EPHA7: variants seen among roughly 807,000 people sequenced by gnomAD.
EPHA7 encodes ephrin type-A receptor 7.
Under a neutral mutation model 112.6 loss-of-function variants are expected in EPHA7, and 25 were observed. The observed-to-expected ratio is 0.22, with a 90% CI of 0.16 to 0.31. The LOEUF (loss-of-function observed/expected upper bound fraction) is 0.31. Among genes scored for constraint, EPHA7 ranks in the 10% least tolerant of loss-of-function variants. EPHA7 has a pLI of 1.00. For missense variants in EPHA7, 962 were observed against 1,212.6 expected (o/e 0.79, Z 3.07); for synonymous variants, 437 against 406.5 (o/e 1.07, Z -0.90).
chr6:93,244,798 T>C (rs549072127), intron 16 of EPHA7, among the ~76,000 whole-genome samples: 9 of 152,336 alleles, frequency 5.9e-5, no homozygotes, highest in African/African-American at 2.2e-4. Flanking sequence ...ATATTGGACG[T>C]TCTAATGCAT....
chr6:93,324,989 AT>A lies in EPHA7; in HGVS notation c.1324+31727del, dbSNP rs1024551102. ...ATTAATAACAATCCTGAAAAAAGGC[AT>A]TTTTTTTCCAGTGAACCTACCTTTT... On this transcript the variant is annotated intron_variant, in intron 5 of 16. Coordinates refer to ENST00000369303, the MANE Select transcript of EPHA7 (RefSeq NM_004440.4). 1.1e-4 allele frequency among the ~76,000 whole-genome samples: 17 copies of A among 151,228 alleles called. No individual in the cohort carries two copies. In the East Asian group the frequency reaches 2.9e-3, roughly 26 times the overall value.
At chr6:93,250,004 A>T (rs982733340) in intron 14 of EPHA7, among the ~76,000 whole-genome samples, 2 of 152,182 alleles carry the variant, frequency 1.3e-5, no homozygotes, top group Admixed American at 1.3e-4. Context: ...ATTGTAGAGA[A>T]ACAACACTGA....
intron 5 of EPHA7, among the ~76,000 whole-genome samples, chr6:93,346,062 C>T (rs1775391677): frequency 6.6e-6 from 1 of 151,672 alleles, no homozygotes; most frequent in Admixed American, 6.6e-5. Flanking sequence ...AAGGCTATGT[C>T]CCTTAGCTGA....
chr6:93,395,283 T>C (rs1778110936), intron 3 of EPHA7, among the ~76,000 whole-genome samples: 1 of 151,884 alleles, frequency 6.6e-6, no homozygotes, highest in Non-Finnish European at 1.5e-5. Flanking sequence ...AAGATGTATA[T>C]ATTCCTTCAT....
intron 5 of EPHA7, among the ~76,000 whole-genome samples, chr6:93,339,288 T>G (rs1470536799): frequency 1.3e-5 from 2 of 151,722 alleles, no homozygotes; most frequent in Non-Finnish European, 3.0e-5. Flanking sequence ...AGTCAACGAT[T>G]TATTATTCTT....
At chr6:93,382,357 G>T (rs752282358) in intron 3 of EPHA7, among the ~76,000 whole-genome samples, 4 of 152,046 alleles carry the variant, frequency 2.6e-5, no homozygotes, top group Non-Finnish European at 5.9e-5. Context: ...TCACAGTAAG[G>T]TTCGTACTCC....
intron 5 of EPHA7, among the ~76,000 whole-genome samples, chr6:93,338,572 A>G (rs566789412): frequency 6.6e-5 from 10 of 151,994 alleles, no homozygotes; most frequent in Non-Finnish European, 1.5e-4. Context: ...AGATGTTCAC[A>G]AATGTTTAAA....
At chr6:93,276,651 C>G (rs940296855) in intron 5 of EPHA7, among the ~76,000 whole-genome samples, 37 of 151,958 alleles carry the variant, frequency 2.4e-4, no homozygotes, top group African/African-American at 8.2e-4. Context: ...AAAAGCAGAC[C>G]TACTGAAATT....
At chr6:93,376,820 T>C (rs879941516) in intron 3 of EPHA7, among the ~76,000 whole-genome samples, 2 of 152,082 alleles carry the variant, frequency 1.3e-5, no homozygotes, top group Non-Finnish European at 2.9e-5. Flanking sequence ...AAACATAAAT[T>C]AATTGTCTTT....
At chr6:93,258,001 G>A in intron 11 of EPHA7, 98 bp downstream of exon 11, 2 of 1,174,004 alleles carry the variant, frequency 1.7e-6, no homozygotes. Context: ...CATTTAGACT[G>A]TGCAACATAT....
At chr6:93,312,011 G>A (rs1773566655) in intron 5 of EPHA7, among the ~76,000 whole-genome samples, 2 of 152,064 alleles carry the variant, frequency 1.3e-5, no homozygotes, top group Admixed American at 1.3e-4. Flanking sequence ...CATTCAGTAA[G>A]CCATGCTGTA....
chr6:93,274,968 T>G (rs1771401755), intron 5 of EPHA7, among the ~76,000 whole-genome samples: 1 of 151,924 alleles, frequency 6.6e-6, no homozygotes, highest in Non-Finnish European at 1.5e-5. Context: ...ATGTTAATCT[T>G]AAAACACAAT....
At chr6:93,255,122 T>A (rs1321858109) in intron 13 of EPHA7, among the ~76,000 whole-genome samples, 1 of 151,998 alleles carries the variant, frequency 6.6e-6, no homozygotes, top group Non-Finnish European at 1.5e-5. Context: ...AGTGGGTGGA[T>A]CACCTGAGGC....
chr6:93,416,741 C>T (rs1779248925), intron 1 of EPHA7, among the ~76,000 whole-genome samples: 1 of 152,186 alleles, frequency 6.6e-6, no homozygotes, highest in Non-Finnish European at 1.5e-5. Context: ...GGGGCCAGGC[C>T]TAGGACTCCA....
chr6:93,340,199 T>G (rs969061813), intron 5 of EPHA7, among the ~76,000 whole-genome samples: 2 of 151,828 alleles, frequency 1.3e-5, no homozygotes, highest in Non-Finnish European at 2.9e-5. Flanking sequence ...TATCTGAGTG[T>G]GTATGTATAC....
chr6:93,388,038 G>A (rs545768785), intron 3 of EPHA7, among the ~76,000 whole-genome samples: 24 of 152,098 alleles, frequency 1.6e-4, no homozygotes, highest in Admixed American at 1.6e-3. Flanking sequence ...GATCCAGGAG[G>A]AAAATATAAA....
chr6:93,388,991 G>A (rs1777769933), intron 3 of EPHA7, among the ~76,000 whole-genome samples: 3 of 151,920 alleles, frequency 2.0e-5, no homozygotes, highest in Admixed American at 2.0e-4. Context: ...AATAAATTAG[G>A]AGGCTACTGA....
chr6:93,377,971 G>A (rs183948762), intron 3 of EPHA7, among the ~76,000 whole-genome samples: 1 of 152,030 alleles, frequency 6.6e-6, no homozygotes. Flanking sequence ...AGACCTCTCA[G>A]TTTGTAGAAA....
At chr6:93,419,175 C>A (rs1366192427) in intron 1 of EPHA7, 70 bp downstream of exon 1, 36 of 1,290,988 alleles carry the variant, frequency 2.8e-5, no homozygotes, top group Non-Finnish European at 3.4e-5. Context: ...GCGCCGCGGA[C>A]GAGCTGGCTT....
Sources: allele counts gnomAD v4.1 joint callset (sites outside exome capture counted in the v4.1 genomes callset), GRCh38; gene constraint gnomAD v4.1.1; transcripts MANE v1.5; gene names NCBI Gene and HGNC (gene_info 2026-07-23, HGNC 2026-07-21).